HDAC8: variants seen among roughly 807,000 people sequenced by gnomAD.
The protein encoded by HDAC8 is histone deacetylase-like 1.
Under a neutral mutation model 32.2 loss-of-function variants are expected in HDAC8, and 1 was observed. The ratio of observed to expected loss-of-function variants is 0.03; its 90% CI spans 0.01 to 0.15. HDAC8 has a LOEUF of 0.15. Ranked by LOEUF, HDAC8 falls within the 10% of genes least tolerant of loss-of-function variation. The probability of loss-of-function intolerance (pLI) is 1.00; values close to 1 mark genes in which losing one functional copy is unlikely to be tolerated. For missense variants in HDAC8, 117 were observed against 300.0 expected (o/e 0.39, Z 4.51); for synonymous variants, 108 against 113.9 (o/e 0.95, Z 0.33).
intron 2 of HDAC8, chrX:72,571,833 T>G: frequency 3.2e-6 from 1 of 314,872 alleles, no homozygotes; most frequent in Non-Finnish European, 5.4e-6. Context: ...CCTCCCAAAG[T>G]GCTGGGATTA....
Position 72,382,996 on chromosome X carries a change from C to T in HDAC8, c.1006-31158G>A, listed in dbSNP as rs1189369896. On this transcript the variant is annotated intron_variant, in intron 9 of 10. Coordinates refer to ENST00000373573, the MANE Select transcript of HDAC8 (RefSeq NM_018486.3). ...ATCAATCTTCTCAGCCTTGCTATTT[C>T]GTATTCTACTTATAGGAGAAGGATG... Among the ~76,000 whole-genome samples, 13 of 112,127 alleles carry T rather than the reference C, an allele frequency of 1.2e-4. No homozygotes were observed. The East Asian group carries it at 2.8e-3, about 24-fold the overall frequency.
chrX:72,467,780 A>G (rs2048061279), intron 7 of HDAC8: 1 of 451,489 alleles, frequency 2.2e-6, no homozygotes, highest in African/African-American at 2.6e-5. Context: ...CATCCAGGCC[A>G]GTGACAGCAA....
chrX:72,392,956 C>T (rs1455893252), intron 9 of HDAC8, among the ~76,000 whole-genome samples: 2 of 111,927 alleles, frequency 1.8e-5, no homozygotes, highest in Non-Finnish European at 3.8e-5. Flanking sequence ...ATTTCCTGGG[C>T]ATTCTACTTA....
At position 72,482,470 on chromosome X, in the gene HDAC8, C is replaced by T. The variant is rs782593641; in HGVS notation, c.737+6463G>A. 4.6e-4 allele frequency among the ~76,000 whole-genome samples: 51 copies of T among 112,037 alleles called. 1 individual carries two copies. The South Asian group carries it at 0.017, about 37-fold the overall frequency. On this transcript the variant is annotated intron_variant, in intron 7 of 10. Transcript: ENST00000373573. Reference sequence around the variant, plus strand: ...TCCTTGTTTTCTATCTATAAAATTACAAATTAAATCCTTGAGATTAAACAA... The same window carrying T: ...TCCTTGTTTTCTATCTATAAAATTATAAATTAAATCCTTGAGATTAAACAA...
intron 4 of HDAC8, among the ~76,000 whole-genome samples, chrX:72,564,411 C>T (rs1327690437): frequency 8.9e-6 from 1 of 112,142 alleles, no homozygotes; most frequent in Non-Finnish European, 1.9e-5. Context: ...GCCAAAAAAC[C>T]TTTTAAAAGT....
rs782413064 is a variant in HDAC8, at chrX:72,564,326, T to A, written c.437+3563A>T. The stretch of plus-strand genomic sequence containing the variant: ...CATTATATTGTAGGAGTGGGTTAGA[T>A]AATACAAGCCTATTACACTTTGTCA... On this transcript the variant is annotated intron_variant, in intron 4 of 10. Transcript: ENST00000373573. Among the ~76,000 whole-genome samples, 17 of 112,600 alleles carry A rather than the reference T, an allele frequency of 1.5e-4. No individual in the cohort carries two copies. In the South Asian group the frequency reaches 6.2e-3, roughly 41 times the overall value.
At chrX:72,453,464 TAAAGAAAGAAAGAAAG>T (rs61443640) in intron 9 of HDAC8, among the ~76,000 whole-genome samples, 71 of 67,253 alleles carry the variant, frequency 1.1e-3, no homozygotes, top group East Asian at 2.2e-3. Flanking sequence ...CTCTTAAAAA[TAAAGAAAGAAAGAAAG>T]AAAGAAAGAA....
At chrX:72,379,643 A>G (rs1555959359) in intron 9 of HDAC8, among the ~76,000 whole-genome samples, 2 of 108,940 alleles carry the variant, frequency 1.8e-5, no homozygotes, top group Non-Finnish European at 3.8e-5. Context: ...GATTACAGGC[A>G]TGCGCCATGA....
chrX:72,451,741 C>T (rs2047576132), intron 9 of HDAC8, among the ~76,000 whole-genome samples: 1 of 113,097 alleles, frequency 8.8e-6, no homozygotes, highest in Non-Finnish European at 1.9e-5. Context: ...GGCGAGATTA[C>T]TTTCTCTCTA....
intron 4 of HDAC8, among the ~76,000 whole-genome samples, chrX:72,514,479 T>C (rs1556023671): frequency 8.9e-6 from 1 of 112,227 alleles, no homozygotes; most frequent in Non-Finnish European, 1.9e-5. Context: ...GTTAGATTAG[T>C]AGTTTTCAAA....
intron 10 of HDAC8, among the ~76,000 whole-genome samples, chrX:72,344,368 C>T (rs1026985043): frequency 1.5e-4 from 17 of 111,923 alleles, no homozygotes; most frequent in Non-Finnish European, 3.2e-4. Context: ...ACTGTTAGCA[C>T]TTAATTCTTG....
chrX:72,337,988 G>A (rs782245763), intron 10 of HDAC8, among the ~76,000 whole-genome samples: 2 of 111,848 alleles, frequency 1.8e-5, no homozygotes, highest in East Asian at 5.6e-4. Context: ...GTCACCTTGA[G>A]TCGACGAGTC....
Position 72,495,257 on chromosome X carries a change from G to C in HDAC8, c.449C>G (p.Ser150Cys). 1 of 1,194,808 alleles carries C rather than the reference G, an allele frequency of 8.4e-7. No homozygotes were observed. Among genetic ancestry groups the C allele is most frequent in the Non-Finnish European group, 1.1e-6 (1 of 881,995 alleles). The change falls in exon 5 of 11, where the codon TCT (serine) becomes TGT (cysteine). Residue 150 changes from serine (S) to cysteine (C), a missense_variant. By Grantham distance (112) the Ser-to-Cys change is moderately radical (BLOSUM62 -1). Around this residue, in one of 4 missense-constraint regions of HDAC8, gnomAD observed 57 missense variants for 182.0 expected, o/e 0.31. Coordinates refer to ENST00000373573, the MANE Select transcript of HDAC8 (RefSeq NM_018486.3). Reference sequence around the variant, plus strand: ...AGCATCATTGAGATAACAAAAACCAGATGCTTCATCTCTGTAAGAAAACAA... The same window carrying C: ...AGCATCATTGAGATAACAAAAACCACATGCTTCATCTCTGTAAGAAAACAA... ...GWHHAKKDEA[S>C]GFCYLNDAVL...
intron 9 of HDAC8, among the ~76,000 whole-genome samples, chrX:72,373,340 C>G (rs1032770998): frequency 8.9e-6 from 1 of 112,234 alleles, no homozygotes; most frequent in South Asian, 3.7e-4. Flanking sequence ...ATTTTCATCA[C>G]CCATGAAGGA....
rs782339509 is a variant in HDAC8, at chrX:72,476,375, A to C, written c.738-11644T>G. The stretch of plus-strand genomic sequence containing the variant: ...TTGGAGAGCTAAGCTGAAAAACAAA[A>C]AATGGAAGAAGACCTAAAGAATATG... On this transcript the variant is annotated intron_variant, in intron 7 of 10. Transcript: ENST00000373573. 6.3e-5 allele frequency among the ~76,000 whole-genome samples: 7 copies of C among 110,886 alleles called. No individual in the cohort carries two copies. In the East Asian group the frequency reaches 8.5e-4, roughly 13 times the overall value.
chrX:72,384,508 A>C (rs1260504796), intron 9 of HDAC8, among the ~76,000 whole-genome samples: 1 of 111,220 alleles, frequency 9.0e-6, no homozygotes, highest in African/African-American at 3.3e-5. Flanking sequence ...TGGGGGGTAC[A>C]ACCAGCTGGT....
intron 4 of HDAC8, among the ~76,000 whole-genome samples, chrX:72,560,939 ATGAT>A (rs1337801545): frequency 2.7e-5 from 3 of 111,348 alleles, no homozygotes; most frequent in Non-Finnish European, 5.6e-5. Flanking sequence ...TGATTAAAAT[ATGAT>A]TGAATGTAGT....
chrX:72,372,048 G>A (rs1555956568), intron 9 of HDAC8, among the ~76,000 whole-genome samples: 1 of 111,396 alleles, frequency 9.0e-6, no homozygotes, highest in African/African-American at 3.3e-5. Flanking sequence ...GGTCCCCTCT[G>A]CCACCTGGCT....
At chrX:72,361,064 G>C in intron 9 of HDAC8, among the ~76,000 whole-genome samples, 1 of 111,385 alleles carries the variant, frequency 9.0e-6, no homozygotes, top group Non-Finnish European at 1.9e-5. Flanking sequence ...GCTACATGTG[G>C]AGGTGAAGAT....
Sources: allele counts gnomAD v4.1 joint callset (sites outside exome capture counted in the v4.1 genomes callset), GRCh38; gene constraint gnomAD v4.1.1; regional missense constraint gnomAD v4.1.1; transcripts MANE v1.5; gene names NCBI Gene and HGNC (gene_info 2026-07-23, HGNC 2026-07-21).